MRTFB: variants seen among roughly 807,000 people sequenced by gnomAD.
The protein encoded by MRTFB is myocardin-related transcription factor B.
A neutral mutation model predicts 104.2 loss-of-function variants in MRTFB; 29 were observed. The observed-to-expected ratio is 0.28, with a 90% CI of 0.21 to 0.38. MRTFB has a LOEUF of 0.38. MRTFB is among the 10% of genes least tolerant of loss of function. MRTFB has a pLI of 1.00. For synonymous variants in MRTFB, 535 were observed against 519.5 expected, an observed-to-expected ratio of 1.03 and a Z score of -0.41; for missense variants, 1,270 against 1,341.6, an observed-to-expected ratio of 0.95 and a Z score of 0.83.
At chr16:14,071,647 C>G (rs189765665) in intron 1 of MRTFB, among the ~76,000 whole-genome samples, 1 of 152,222 alleles carries the variant, frequency 6.6e-6, no homozygotes, top group East Asian at 1.9e-4. Flanking sequence ...CAGAGTTGGC[C>G]CTGCTGACAG....
chr16:14,257,926 T>C (rs556532612), intron 15 of MRTFB, among the ~76,000 whole-genome samples, 175 bp from the exon 16 acceptor site: 1 of 152,362 alleles, frequency 6.6e-6, no homozygotes, highest in East Asian at 1.9e-4. Flanking sequence ...CTGTGTCAAC[T>C]AACCAGCTGT....
chr16:14,190,186 A>C (rs1245717967), intron 3 of MRTFB, among the ~76,000 whole-genome samples: 2 of 152,316 alleles, frequency 1.3e-5, no homozygotes, highest in African/African-American at 4.8e-5. Flanking sequence ...CTAGGAGAGA[A>C]CAGCAATAAA....
At chr16:14,015,892 C>G in the MRTFB span, 1 of 398,650 alleles carries the variant, frequency 2.5e-6, no homozygotes. Context: ...AGAGAACAGT[C>G]TGCTTTTCTC....
At chr16:14,038,667 T>G in the MRTFB span, among the ~76,000 whole-genome samples, 10 of 152,152 alleles carry the variant, frequency 6.6e-5, no homozygotes, top group Non-Finnish European at 1.3e-4. Flanking sequence ...ACCCTCAAAC[T>G]TAGTGGCTTC....
the MRTFB span, chr16:14,012,928 C>T: frequency 6.6e-6 from 1 of 152,232 alleles, no homozygotes; most frequent in Non-Finnish European, 1.5e-5. Context: ...GAGGTCTTTT[C>T]AATGGAATAA....
chr16:14,099,525 G>A (rs184303305), intron 2 of MRTFB, among the ~76,000 whole-genome samples: 540 of 151,060 alleles, frequency 3.6e-3, no homozygotes, highest in African/African-American at 0.013. Flanking sequence ...ACCATGTCCG[G>A]CTAATTTTTT....
At chr16:14,092,098 C>T (rs772312443) in intron 2 of MRTFB, among the ~76,000 whole-genome samples, 19 of 151,156 alleles carry the variant, frequency 1.3e-4, no homozygotes, top group Non-Finnish European at 2.7e-4. Flanking sequence ...CAGGGATATG[C>T]AAGCCAAGTA....
At chr16:14,240,683 C>G in intron 10 of MRTFB, 199 bp downstream of exon 10, 2 of 916,584 alleles carry the variant, frequency 2.2e-6, no homozygotes, top group Non-Finnish European at 3.6e-6. Flanking sequence ...TTTCTGTCCT[C>G]CAAAATAGGT....
At chr16:14,119,991 A>G (rs527353152) in intron 2 of MRTFB, among the ~76,000 whole-genome samples, 1 of 152,312 alleles carries the variant, frequency 6.6e-6, no homozygotes, top group African/African-American at 2.4e-5. Context: ...ATTCTTGCCA[A>G]GACTTGGTAC....
intron 1 of MRTFB, among the ~76,000 whole-genome samples, chr16:14,073,792 A>T (rs2033877135): frequency 6.6e-6 from 1 of 152,268 alleles, no homozygotes; most frequent in Non-Finnish European, 1.5e-5. Context: ...TCTATATTAG[A>T]GAATTTGGAA....
At chr16:14,089,707 T>C (rs1280639232) in intron 2 of MRTFB, among the ~76,000 whole-genome samples, 1 of 152,210 alleles carries the variant, frequency 6.6e-6, no homozygotes, top group Non-Finnish European at 1.5e-5. Flanking sequence ...AATGCCCAAC[T>C]GTTTTCCAAA....
intron 3 of MRTFB, among the ~76,000 whole-genome samples, chr16:14,196,211 GAGAGTT>G (rs2040423761): frequency 6.6e-6 from 1 of 152,238 alleles, no homozygotes; most frequent in Non-Finnish European, 1.5e-5. Context: ...CAGCCAGCCA[GAGAGTT>G]ATCAAAGCTC....
At chr16:14,079,990 A>C (rs2141853449) in intron 2 of MRTFB, among the ~76,000 whole-genome samples, 1 of 152,246 alleles carries the variant, frequency 6.6e-6, no homozygotes, top group East Asian at 1.9e-4. Flanking sequence ...TCTCTGCGGG[A>C]ATTGGAAAGA....
At chr16:14,060,873 G>A in the MRTFB span, among the ~76,000 whole-genome samples, 8 of 152,004 alleles carry the variant, frequency 5.3e-5, no homozygotes, top group South Asian at 2.1e-4. Context: ...TTGGCCGGGC[G>A]CGGTGGCTCA....
chr16:14,230,909 T>G (rs1437114925), intron 8 of MRTFB, among the ~76,000 whole-genome samples: 1 of 150,754 alleles, frequency 6.6e-6, no homozygotes, highest in Non-Finnish European at 1.5e-5. Flanking sequence ...ATAGACTGGA[T>G]TAAGAAAATG....
the MRTFB span, among the ~76,000 whole-genome samples, chr16:14,002,437 G>T: frequency 4.6e-5 from 7 of 151,554 alleles, no homozygotes; most frequent in Admixed American, 1.3e-4. Flanking sequence ...AATGACCTAG[G>T]CTAGCACCAA....
At chr16:14,235,165 T>G (rs1273249677) in intron 9 of MRTFB, among the ~76,000 whole-genome samples, 1 of 152,204 alleles carries the variant, frequency 6.6e-6, no homozygotes, top group African/African-American at 2.4e-5. Context: ...ATCTTTCAGA[T>G]GAACACAATG....
chr16:14,106,770 A>C (rs1674433310), intron 2 of MRTFB, among the ~76,000 whole-genome samples: 1 of 152,214 alleles, frequency 6.6e-6, no homozygotes, highest in Non-Finnish European at 1.5e-5. Context: ...TACCCTATTG[A>C]ATACCTAGTA....
At chr16:14,052,609 T>C in the MRTFB span, among the ~76,000 whole-genome samples, 1 of 152,038 alleles carries the variant, frequency 6.6e-6, no homozygotes, top group East Asian at 1.9e-4. Flanking sequence ...AACGGTGGCT[T>C]ATGCCTGTAA....
Sources: gnomAD v4.1 joint callset for allele counts (sites outside exome capture counted in the v4.1 genomes callset) on GRCh38, gnomAD v4.1.1 for gene constraint, MANE v1.5 for transcripts, NCBI Gene and HGNC (gene_info 2026-07-23, HGNC 2026-07-21) for gene names.